The following MED24 variants were observed in gnomAD, a reference collection of about 807,000 sequenced individuals.
MED24 encodes the protein mediator complex subunit 24.
Under a neutral mutation model 118.8 loss-of-function variants are expected in MED24, and 74 were observed. The observed-to-expected ratio is 0.62, with a 90% CI of 0.52 to 0.76. MED24 has a LOEUF of 0.76. Among genes scored for constraint, MED24 ranks in the 30% least tolerant of loss-of-function variants. The pLI is 0.00. For synonymous variants in MED24, 521 were observed against 523.9 expected, an observed-to-expected ratio of 0.99 and a Z score of 0.08; for missense variants, 1,041 against 1,278.9, an observed-to-expected ratio of 0.81 and a Z score of 2.84.
At chr17:40,029,921 TCCCTCGTTCAAG>T (rs1437521951) in intron 12 of MED24, 62 bp from the exon 13 acceptor site, 1 of 1,476,330 alleles carries the variant, frequency 6.8e-7, no homozygotes, top group Admixed American at 1.7e-5. Context: ...CTTGACACGT[TCCCTCGTTCAAG>T]CCCGGAAGGA....
intron 22 of MED24, 124 bp downstream of exon 22, chr17:40,022,270 G>T: frequency 9.1e-7 from 1 of 1,093,452 alleles, no homozygotes; most frequent in Non-Finnish European, 1.3e-6. Flanking sequence ...GACCAATCAT[G>T]CCCAGGCACA....
intron 3 of MED24, among the ~76,000 whole-genome samples, chr17:40,052,695 G>A (rs1045326365): frequency 2.0e-5 from 3 of 152,222 alleles, no homozygotes; most frequent in East Asian, 3.9e-4. Context: ...TCAAACTCCT[G>A]GGCTCAAGCA....
chr17:40,034,993 G>C, intron 6 of MED24, 124 bp downstream of exon 6: 1 of 1,612,386 alleles, frequency 6.2e-7, no homozygotes, highest in South Asian at 1.1e-5. Context: ...GAAAAAAAAG[G>C]AAGTGGGATG....
chr17:40,043,798 G>A (rs1984811987), intron 3 of MED24, among the ~76,000 whole-genome samples: 1 of 151,614 alleles, frequency 6.6e-6, no homozygotes, highest in African/African-American at 2.4e-5. Flanking sequence ...GGCTGAGGCA[G>A]GAGAATGGCA....
In MED24 at chr17:40,053,630, G is replaced by T; in HGVS notation, c.-32C>A. On this transcript the variant is annotated 5_prime_UTR_variant, in exon 2 of 26. Coordinates refer to ENST00000394128, the MANE Select transcript of MED24 (RefSeq NM_014815.4). ...ACTCTGAGCAGGTGGCAGCGGTGGC[G>T]GCCAGCTTTGAGGTGAAAGAAATGG... 6.2e-7 allele frequency: 1 copy of T among 1,613,808 alleles called. No homozygotes were observed. The highest frequency in any genetic ancestry group is 8.5e-7 in the Non-Finnish European group (1 of 1,180,040).
At chr17:40,050,358 AAT>A (rs1185865202) in intron 3 of MED24, among the ~76,000 whole-genome samples, 1 of 151,770 alleles carries the variant, frequency 6.6e-6, no homozygotes, top group African/African-American at 2.4e-5. Context: ...CAGGCAGAAG[AAT>A]CACTTGAGCC....
At chr17:40,022,861 G>T in intron 20 of MED24, 35 bp from the exon 21 acceptor site, 1 of 1,604,596 alleles carries the variant, frequency 6.2e-7, no homozygotes. Context: ...TCAGGAGCCA[G>T]GGGCCCGGGA....
Position 40,028,838 on chromosome 17 carries a change from C to T in MED24, c.1397G>A (p.Arg466Gln), listed in dbSNP as rs765875029. ...TGGCCTTCCTCACTTGATGAATTTC[C>T]GGGCGAAGGATTTCAGCTTTCCAGT... ...AATGKLKSFA[R>Q]KFINLNEFTT... Residue 466 changes from arginine (R) to glutamine (Q), a missense_variant, in exon 14 of 26, where the codon CGG becomes CAG. Arg to Gln is a conservative substitution (Grantham distance 43). Around this residue, in one of 3 missense-constraint regions of MED24, gnomAD observed 587 missense variants for 694.4 expected, o/e 0.85. Transcript: ENST00000394128. The T allele has an allele frequency of 6.8e-6, 11 of 1,613,898 alleles. No individual in the cohort carries two copies. The highest frequency in any genetic ancestry group is 3.3e-5 in the South Asian group (3 of 91,050).
intron 2 of MED24, 27 bp downstream of exon 2, chr17:40,053,442 A>G (rs1231942425): frequency 1.2e-6 from 2 of 1,613,770 alleles, no homozygotes; most frequent in Non-Finnish European, 1.7e-6. Context: ...TATCCCTCCC[A>G]TCTTTCTTTC....
chr17:40,023,169 T>C lies in MED24; in HGVS notation c.2212A>G (p.Met738Val). The change falls in exon 20 of 26, where the codon ATG becomes GTG. Residue 738 changes from methionine (M) to valine (V), a missense_variant. By Grantham distance (21) the Met-to-Val change is conservative. Coordinates refer to ENST00000394128, the MANE Select transcript of MED24 (RefSeq NM_014815.4). ...SIHIFDTLLH[M>V]GGVYWFCNNL... is the part of the protein sequence containing the mutation. ...TTGCAGAACCAGTAGACGCCGCCCA[T>C]GTGCAGCAGGGTGTCAAAGATGTGG... The C allele has an allele frequency of 1.2e-6, 2 of 1,614,108 alleles. No individual in the cohort carries two copies. The highest frequency in any genetic ancestry group is 1.7e-4 in the Middle Eastern group (1 of 6,058).
At chr17:40,031,850 A>G (rs548845921) in intron 10 of MED24, among the ~76,000 whole-genome samples, 193 bp downstream of exon 10, 2 of 151,914 alleles carry the variant, frequency 1.3e-5, no homozygotes, top group Non-Finnish European at 2.9e-5. Flanking sequence ...GCACGCACAC[A>G]CTGAAGCACA....
chr17:40,027,918 C>A lies in MED24; in HGVS notation c.1438G>T (p.Glu480Ter), dbSNP rs942852445. The change falls in exon 15 of 26, where the codon GAA (glutamate) becomes TAA (stop). Residue 480 changes from glutamate to a stop codon, truncating the protein, a stop_gained. Transcript: ENST00000394128. LOFTEE classifies it high-confidence loss of function. ...CACAGGGCTGACTTACTGCTTTCTT[C>A]GCTGCCATAGGTTGTGAATTCATTC... ...NLNEFTTYGS[E>*]ESTKPASVRA... 6.2e-7 allele frequency: 1 copy of A among 1,613,572 alleles called. No homozygotes were observed. The highest frequency in any genetic ancestry group is 1.7e-5 in the Admixed American group (1 of 59,996).
At position 40,022,435 on chromosome 17, in the gene MED24, C is replaced by G; in HGVS notation, c.2482G>C (p.Ala828Pro). Reference sequence around the variant, plus strand: ...TGTCTCTTCTTCTGGCGGGTGGACGCCTGTCCCTTGTGGGAGGAGTAGGAA... The same window carrying G: ...TGTCTCTTCTTCTGGCGGGTGGACGGCTGTCCCTTGTGGGAGGAGTAGGAA... The part of the protein sequence containing the change: ...LSSYSSHKGQ[A>P]STRQKKRHRE... The change falls in exon 22 of 26, where the codon GCG becomes CCG. Residue 828 changes from alanine to proline, a missense_variant. By Grantham distance (27) the Ala-to-Pro change is conservative (BLOSUM62 -1). This residue lies in a region of MED24 where 587 missense variants were observed against 694.4 expected (regional missense o/e 0.85). Coordinates refer to ENST00000394128, the MANE Select transcript of MED24 (RefSeq NM_014815.4). The G allele has an allele frequency of 6.2e-7, 1 of 1,610,678 alleles. No homozygotes were observed. Among genetic ancestry groups the G allele is most frequent in the Non-Finnish European group, 8.5e-7 (1 of 1,178,740 alleles).
In MED24 at chr17:40,027,238, G is replaced by A. The variant is rs150880571; in HGVS notation, c.1530+145C>T. 4.9e-4 allele frequency: 551 copies of A among 1,118,320 alleles called. 3 individuals carry two copies. The African/African-American group carries it at 6.9e-3, about 14-fold the overall frequency. 69.3% of individuals were successfully genotyped at this position (1,118,320 alleles called of 1,614,324 possible). On this transcript the variant is annotated intron_variant, in intron 16 of 25. Coordinates refer to ENST00000394128, the MANE Select transcript of MED24 (RefSeq NM_014815.4). ...ACATAGGGCTGAAGGTGCCTCTACG[G>A]ACTCCAGCCCGGGTGGGCACCTGGT...
chr17:40,019,685 T>A lies in MED24; in HGVS notation c.2854-40A>T, dbSNP rs769663022. The A allele has an allele frequency of 7.6e-6, 12 of 1,579,446 alleles. No homozygotes were observed. The African/African-American group carries it at 1.5e-4, about 19-fold the overall frequency. On this transcript the variant is annotated intron_variant, in intron 25 of 25. Transcript: ENST00000394128. The stretch of plus-strand genomic sequence containing the variant: ...CAGATGCTGCTTGCGGGACGGCTGG[T>A]GGTGGGTGTGCTGTCCCAGGGGGAA...
intron 3 of MED24, among the ~76,000 whole-genome samples, chr17:40,049,692 A>G (rs1985610196): frequency 6.6e-6 from 1 of 151,680 alleles, no homozygotes; most frequent in African/African-American, 2.4e-5. Flanking sequence ...ATGCCCAGCT[A>G]ATTTTTGTAT....
Position 40,033,213 on chromosome 17 carries a change from G to A in MED24, c.672-7C>T. On this transcript the variant is annotated splice_polypyrimidine_tract_variant and splice_region_variant and intron_variant, in intron 7 of 25. Coordinates refer to ENST00000394128, the MANE Select transcript of MED24 (RefSeq NM_014815.4). The surrounding 1 kb of genome is among the most constrained non-coding windows in gnomAD (Gnocchi z 5.2). ...AGACAGCATCGTGGGGATGCTGAGG[G>A]GTCACAAACACAGGGGACGGTGTTT... 2 of 1,613,734 alleles carry A rather than the reference G, an allele frequency of 1.2e-6. 1 individual carries two copies.
At chr17:40,046,541 C>T (rs917087565) in intron 3 of MED24, among the ~76,000 whole-genome samples, 1 of 144,808 alleles carries the variant, frequency 6.9e-6, no homozygotes, top group Admixed American at 6.8e-5. Flanking sequence ...GTCAGGAGAT[C>T]GAGACCATCC....
At chr17:40,023,720 C>A (rs1014775837) in intron 19 of MED24, 2 of 270,300 alleles carry the variant, frequency 7.4e-6, no homozygotes, top group African/African-American at 2.2e-5. Flanking sequence ...GCCCTGCCAA[C>A]CTGCCACATA....
Sources: allele counts gnomAD v4.1 joint callset (sites outside exome capture counted in the v4.1 genomes callset), GRCh38; gene constraint gnomAD v4.1.1; regional missense constraint gnomAD v4.1.1; non-coding constraint Gnocchi (gnomAD v3.1); transcripts MANE v1.5; gene names NCBI Gene and HGNC (gene_info 2026-07-23, HGNC 2026-07-21).